Variants in SUN1 observed in about 807,000 individuals in gnomAD.
SUN1 encodes the protein Sad1 and UNC84 domain containing 1.
Under a neutral mutation model 103.2 loss-of-function variants are expected in SUN1, and 61 were observed. That is an observed-to-expected ratio of 0.59 (90% CI 0.48 to 0.73). The LOEUF is 0.73. Ranked by LOEUF, SUN1 falls within the 30% of genes least tolerant of loss-of-function variation. The pLI, the probability that SUN1 is intolerant of heterozygous loss-of-function variation, is 0.00. For synonymous variants in SUN1, 490 were observed against 425.7 expected (o/e 1.15, Z -1.86); for missense variants, 1,052 against 1,034.6 (o/e 1.02, Z -0.23).
chr7:840,444 C>T (rs1292916536), intron 2 of SUN1, among the ~76,000 whole-genome samples: 4 of 152,220 alleles, frequency 2.6e-5, no homozygotes, highest in East Asian at 3.9e-4. Flanking sequence ...CTCCTGTGGC[C>T]GTCGTCCTCC....
At chr7:833,467 C>T (rs10270565) in intron 1 of SUN1, among the ~76,000 whole-genome samples, 92,974 of 151,760 alleles carry the variant, frequency 0.61, 28,457 homozygotes, top group East Asian at 0.64. Context: ...TGCGCCACCA[C>T]GCCCAGCTAA....
chr7:871,824 C>G (rs533265566), intron 17 of SUN1, among the ~76,000 whole-genome samples: 2 of 152,342 alleles, frequency 1.3e-5, no homozygotes, highest in South Asian at 4.1e-4. Context: ...TCCCTTGTGT[C>G]TTCTGCTAGT....
upstream of SUN1, among the ~76,000 whole-genome samples, chr7:828,268 T>TG (rs1794585334): frequency 4.2e-5 from 2 of 47,950 alleles, no homozygotes; most frequent in Non-Finnish European, 7.3e-5. Flanking sequence ...TTGTTTTTTG[T>TG]TTTTGTTTTG....
chr7:853,051 G>T, intron 9 of SUN1, 99 bp downstream of exon 9: 2 of 1,432,570 alleles, frequency 1.4e-6, no homozygotes, highest in Non-Finnish European at 1.9e-6. Flanking sequence ...TGGGTGTCCT[G>T]TTGTAAGAAG....
chr7:873,337 C>T lies in SUN1; in HGVS notation c.*6C>T. 6.2e-7 allele frequency: 1 copy of T among 1,610,634 alleles called. No individual in the cohort carries two copies. The highest frequency in any genetic ancestry group is 8.5e-7 in the Non-Finnish European group (1 of 1,176,960). ...ATGGCGAACCTGTCAAGTGAAGACA[C>T]TACTCATTATTTTTGTACATTTTTG... On this transcript the variant is annotated 3_prime_UTR_variant, in exon 19 of 19. Coordinates refer to ENST00000401592, the MANE Select transcript of SUN1 (RefSeq NM_001130965.3).
chr7:829,042 G>A (rs1045400739), upstream of SUN1, among the ~76,000 whole-genome samples: 1 of 152,260 alleles, frequency 6.6e-6, no homozygotes, highest in Admixed American at 6.5e-5. Flanking sequence ...CTCAGGGCAG[G>A]GCAGCCAGGG....
chr7:834,204 T>C (rs1584301102), intron 1 of SUN1, among the ~76,000 whole-genome samples: 1 of 150,378 alleles, frequency 6.6e-6, no homozygotes, highest in East Asian at 2.0e-4. Flanking sequence ...ATTTAGACTC[T>C]TGGTGGGCAG....
At chr7:841,244 ATTTTT>A (rs370665607) in intron 2 of SUN1, among the ~76,000 whole-genome samples, 2 of 120,124 alleles carry the variant, frequency 1.7e-5, no homozygotes, top group East Asian at 2.4e-4. Context: ...ATGACCACCT[ATTTTT>A]TTTTTTTTTT....
At chr7:816,310 T>C, upstream of SUN1, 1 of 139,628 alleles carries the variant, frequency 7.2e-6, no homozygotes, top group South Asian at 6.2e-5. Context: ...ACCCCTCCCC[T>C]AAATGCGGAG....
In SUN1 at chr7:866,118, T is replaced by C. The variant is rs114327251; in HGVS notation, c.1980+51T>C. The C allele has an allele frequency of 1.1e-3, 1,622 of 1,523,200 alleles. 14 individuals are homozygous for C. The African/African-American group carries it at 0.019, about 18-fold the overall frequency. The allele number at this position is 1,523,200 out of a possible 1,614,324, so 94.4% of individuals were successfully genotyped here. A position where few individuals can be genotyped will look rare whatever the true frequency, so the allele number is the denominator to read the frequency against. On this transcript the variant is annotated intron_variant, in intron 16 of 18. Transcript: ENST00000401592. ...TGCTCCTCTTCAGCATGGACTCGGT[T>C]AGTGTTCACGGGTCGTAGGTCCACA... is the stretch of plus-strand genomic sequence containing the variant.
chr7:840,065 G>A (rs895967470), intron 2 of SUN1, among the ~76,000 whole-genome samples: 6 of 152,202 alleles, frequency 3.9e-5, no homozygotes, highest in Admixed American at 6.5e-5. Context: ...GCTCATGTAA[G>A]AATAAGAGCT....
chr7:853,289 A>T, intron 9 of SUN1, 120 bp from the exon 10 acceptor site: 1 of 1,154,634 alleles, frequency 8.7e-7, no homozygotes. Flanking sequence ...GGATTCCTCC[A>T]TTCGTGTGCC....
At position 842,211 on chromosome 7, in the gene SUN1, G is replaced by A. The variant is rs1176701041; in HGVS notation, c.451+81G>A. 2.0e-6 allele frequency: 3 copies of A among 1,504,178 alleles called. No individual in the cohort carries two copies. In the Admixed American group the frequency reaches 5.8e-5, roughly 29 times the overall value. The allele number at this position is 1,504,178 out of a possible 1,614,324, so 93.2% of individuals were successfully genotyped here. A position where few individuals can be genotyped will look rare whatever the true frequency, so the allele number is the denominator to read the frequency against. On this transcript the variant is annotated intron_variant, in intron 3 of 18. Transcript: ENST00000401592. ...TATGCTGGGGAGAGGGGAGGCGGTGGCCAGGTTGTCGGTTTGCATGGATTA... is the reference window on the plus strand; with the variant it reads ...TATGCTGGGGAGAGGGGAGGCGGTGACCAGGTTGTCGGTTTGCATGGATTA...
intron 15 of SUN1, among the ~76,000 whole-genome samples, chr7:863,358 C>T (rs1214492953): frequency 6.6e-6 from 1 of 152,132 alleles, no homozygotes; most frequent in African/African-American, 2.4e-5. Context: ...CCGAGCTCGC[C>T]CTTGCTGCCC....
rs773661582 is a variant in SUN1 at position 869,330 on chromosome 7, A to T, written c.1981-19A>T. ...GAGCATGCTCACACTCTGAGTCCTC[A>T]TGTTTTTCCTTTCCCCAGCCTGACA... On this transcript the variant is annotated intron_variant, in intron 16 of 18. Coordinates refer to ENST00000401592, the MANE Select transcript of SUN1 (RefSeq NM_001130965.3). 22 of 1,610,812 alleles carry T rather than the reference A, an allele frequency of 1.4e-5. No individual in the cohort carries two copies. The highest frequency in any genetic ancestry group is 1.8e-5 in the Non-Finnish European group (21 of 1,178,096).
At chr7:869,148 C>A in intron 16 of SUN1, 559 of 564,224 alleles carry the variant, frequency 9.9e-4, no homozygotes, top group East Asian at 1.7e-3. Context: ...AACTTTTATA[C>A]AACATATGGG....
chr7:830,027 C>G (rs1046402942), upstream of SUN1, among the ~76,000 whole-genome samples: 7 of 152,126 alleles, frequency 4.6e-5, no homozygotes, highest in Non-Finnish European at 7.4e-5. Flanking sequence ...TATTTGATTT[C>G]GTAAAGGACT....
At chr7:816,466 G>A (rs976611233), upstream of SUN1, 210 of 63,854 alleles carry the variant, frequency 3.3e-3, no homozygotes, top group Non-Finnish European at 5.6e-3. Flanking sequence ...CCCTTCCCCC[G>A]CCTGGAGTCC....
chr7:861,737 A>G (rs902261389), intron 15 of SUN1, among the ~76,000 whole-genome samples: 2 of 151,844 alleles, frequency 1.3e-5, no homozygotes, highest in African/African-American at 4.8e-5. Context: ...TCGACTGTTC[A>G]CTCTCTCCTG....
Sources: allele counts gnomAD v4.1 joint callset (sites outside exome capture counted in the v4.1 genomes callset), GRCh38; gene constraint gnomAD v4.1.1; transcripts MANE v1.5; gene names NCBI Gene and HGNC (gene_info 2026-07-23, HGNC 2026-07-21).